The following C5orf34 variants were observed in gnomAD, a reference collection of about 807,000 sequenced individuals.
C5orf34 encodes chromosome 5 open reading frame 34.
In C5orf34, 73 loss-of-function variants were observed where a neutral mutation model predicts 78.4. The ratio of observed to expected loss-of-function variants is 0.93; its 90% confidence interval spans 0.77 to 1.13. C5orf34 has a LOEUF of 1.13. Among genes scored for constraint, C5orf34 ranks in the 50% most tolerant of loss-of-function variants. The pLI is 0.00. For synonymous variants in C5orf34, 251 were observed against 246.6 expected (o/e 1.02, Z -0.17); for missense variants, 730 against 732.7 (o/e 1.00, Z 0.04).
At position 43,495,044 on chromosome 5, in the gene C5orf34, A is replaced by C. The variant is rs1215930365; in HGVS notation, c.1153-443T>G. 8 of 1,434,532 alleles carry C rather than the reference A, an allele frequency of 5.6e-6. No homozygotes were observed. The East Asian group carries it at 1.6e-4, about 29-fold the overall frequency. 88.9% of individuals were successfully genotyped at this position (1,434,532 alleles called of 1,614,324 possible). ...GACCATTCTTCCACCACTGATTAAG[A>C]GTTGGGTGGCAGGTATTAGGGATAA... On this transcript the variant is annotated intron_variant, in intron 6 of 12. Coordinates refer to ENST00000306862, the MANE Select transcript of C5orf34 (RefSeq NM_198566.4).
At position 43,506,278 on chromosome 5, in the gene C5orf34, G is replaced by A; in HGVS notation, c.402C>T (p.Leu134=). 6.2e-7 allele frequency: 1 copy of A among 1,614,168 alleles called. No individual in the cohort carries two copies. The highest frequency in any genetic ancestry group is 8.5e-7 in the Non-Finnish European group (1 of 1,180,024). ...KITSLDGHAY[L]CLPRSQHEFT... is the part of the protein sequence containing the mutation. ...ATTCATGCTGAGATCTGGGCAGGCA[G>A]AGGTATGCATGACCATCTAAAGATG... The change falls in exon 4 of 13, where the codon CTC becomes CTT. Residue 134 remains leucine, a synonymous_variant. Coordinates refer to ENST00000306862, the MANE Select transcript of C5orf34 (RefSeq NM_198566.4).
intron 6 of C5orf34, chr5:43,495,318 G>T (rs183531280): frequency 1.1e-5 from 18 of 1,611,458 alleles, no homozygotes; most frequent in Non-Finnish European, 1.5e-5. Flanking sequence ...CCAGAACCGC[G>T]ATCAATCTTT....
At chr5:43,501,660 T>G (rs1472826736) in intron 6 of C5orf34, among the ~76,000 whole-genome samples, 2 of 152,128 alleles carry the variant, frequency 1.3e-5, no homozygotes, top group African/African-American at 4.8e-5. Context: ...TGTTTGAAAT[T>G]TCCATAGTTA....
intron 4 of C5orf34, among the ~76,000 whole-genome samples, chr5:43,504,283 C>T (rs1320028198): frequency 4.8e-5 from 7 of 144,492 alleles, no homozygotes; most frequent in South Asian, 2.2e-4. Flanking sequence ...GGTGACAGAG[C>T]GAGAATCCAT....
intron 7 of C5orf34, among the ~76,000 whole-genome samples, chr5:43,493,902 C>A (rs964478688): frequency 2.6e-5 from 4 of 152,154 alleles, no homozygotes; most frequent in Non-Finnish European, 4.4e-5. Context: ...GATAGATTCA[C>A]ACTGCCTGGA....
intron 10 of C5orf34, among the ~76,000 whole-genome samples, chr5:43,491,119 A>T (rs1745262643): frequency 6.6e-6 from 1 of 152,238 alleles, no homozygotes; most frequent in South Asian, 2.1e-4. Flanking sequence ...TGCTTACTAA[A>T]ATTTAAACCA....
At chr5:43,511,993 C>A (rs1041629572) in intron 1 of C5orf34, among the ~76,000 whole-genome samples, 6 of 150,622 alleles carry the variant, frequency 4.0e-5, no homozygotes, top group African/African-American at 1.5e-4. Flanking sequence ...CTGCCAAATC[C>A]CCCTCTGTGA....
intron 1 of C5orf34, among the ~76,000 whole-genome samples, chr5:43,509,696 A>C (rs1746140780): frequency 6.6e-6 from 1 of 152,194 alleles, no homozygotes; most frequent in African/African-American, 2.4e-5. Context: ...GAAGCTTATA[A>C]CTTCTAGAAG....
intron 10 of C5orf34, among the ~76,000 whole-genome samples, chr5:43,491,105 C>T (rs778398472): frequency 2.0e-5 from 3 of 152,114 alleles, no homozygotes; most frequent in South Asian, 2.1e-4. Context: ...ACTGACTGAG[C>T]ATTTGCTTAC....
Position 43,492,211 on chromosome 5 carries a change from G to A in C5orf34, c.1580+4C>T, listed in dbSNP as rs572112553. On this transcript the variant is annotated splice_donor_region_variant and intron_variant, in intron 10 of 12. Coordinates refer to ENST00000306862, the MANE Select transcript of C5orf34 (RefSeq NM_198566.4). Reference sequence around the variant, plus strand: ...AAATAATTTTTAAAATTGCTTTTCAGTACCTTTCATATGGTTCAGGGTGTT... The same window carrying A: ...AAATAATTTTTAAAATTGCTTTTCAATACCTTTCATATGGTTCAGGGTGTT... The A allele has an allele frequency of 6.9e-6, 11 of 1,586,372 alleles. No individual in the cohort carries two copies. The highest frequency in any genetic ancestry group is 9.4e-6 in the Non-Finnish European group (11 of 1,166,192).
At chr5:43,496,450 C>G (rs1745527965) in intron 6 of C5orf34, 1 of 1,574,330 alleles carries the variant, frequency 6.4e-7, no homozygotes, top group African/African-American at 1.4e-5. Context: ...CTTTTCCTTT[C>G]CCATTTTGGC....
intron 6 of C5orf34, chr5:43,495,977 G>T: frequency 1.3e-6 from 2 of 1,591,166 alleles, no homozygotes; most frequent in Non-Finnish European, 1.7e-6. Context: ...CTGGCTGTAG[G>T]GTGGCTCAGT....
At chr5:43,488,772 A>T (rs1745159540) in intron 11 of C5orf34, among the ~76,000 whole-genome samples, 1 of 152,068 alleles carries the variant, frequency 6.6e-6, no homozygotes, top group Non-Finnish European at 1.5e-5. Context: ...TTTTCTTATC[A>T]AGTTAGAATG....
intron 10 of C5orf34, among the ~76,000 whole-genome samples, chr5:43,491,447 A>G (rs1745276314): frequency 6.6e-6 from 1 of 152,232 alleles, no homozygotes; most frequent in South Asian, 2.1e-4. Flanking sequence ...ATTTACTGTA[A>G]TAAATTAGAT....
intron 1 of C5orf34, among the ~76,000 whole-genome samples, chr5:43,512,364 A>G (rs760986910): frequency 3.9e-5 from 6 of 152,222 alleles, no homozygotes; most frequent in Admixed American, 2.6e-4. Context: ...TCCTACCTAT[A>G]AACAGCTCAA....
intron 11 of C5orf34, chr5:43,490,255 T>C (rs1745224363): frequency 5.9e-6 from 1 of 168,750 alleles, no homozygotes; most frequent in Non-Finnish European, 1.3e-5. Flanking sequence ...AAAATCAATG[T>C]TTTCTGAAAG....
rs531749660 is a variant in C5orf34 at position 43,503,252 on chromosome 5, G to C, written c.1028+413C>G. Reference sequence around the variant, plus strand: ...CAGAGTGGCCACTCAATGAGTATTTGCTTTGTGAATGAAGGCTAAAATCTC... The same window carrying C: ...CAGAGTGGCCACTCAATGAGTATTTCCTTTGTGAATGAAGGCTAAAATCTC... On this transcript the variant is annotated intron_variant, in intron 5 of 12. Transcript: ENST00000306862. Among the ~76,000 whole-genome samples the C allele has an allele frequency of 4.6e-5, 7 of 152,252 alleles. No homozygotes were observed. The East Asian group carries it at 1.4e-3, about 29-fold the overall frequency.
At position 43,503,736 on chromosome 5, in the gene C5orf34, TA is replaced by T; in HGVS notation, c.956del (p.Leu319TyrfsTer13). On this transcript the variant is annotated frameshift_variant, in exon 5 of 13. Transcript: ENST00000306862. LOFTEE classifies it high-confidence loss of function. Reference protein sequence around the residue: ...LHRWNFCDSLLQRQSDEYSYP... With the variant: ...LHRWNFCDSLXQRQSDEYSYP... ...AGGAATATTCATCAGATTGTCTCTG[TA>T]AAAGTGAATCACAAAAATTCCACCT... 6.2e-7 allele frequency: 1 copy of T among 1,613,120 alleles called. No individual in the cohort carries two copies. The highest frequency in any genetic ancestry group is 1.1e-5 in the South Asian group (1 of 91,060).
chr5:43,492,910 A>C lies in C5orf34; in HGVS notation c.1315-20T>G. On this transcript the variant is annotated intron_variant, in intron 8 of 12. Coordinates refer to ENST00000306862, the MANE Select transcript of C5orf34 (RefSeq NM_198566.4). ...AGGTACCTAAAACCAAGTAAATAAA[A>C]ATAGCAGGAAATAGAGTTATCTAAG... 1 of 1,509,642 alleles carries C rather than the reference A, an allele frequency of 6.6e-7. No homozygotes were observed. Among genetic ancestry groups the C allele is most frequent in the East Asian group, 2.3e-5 (1 of 43,646 alleles). 93.5% of individuals were successfully genotyped at this position (1,509,642 alleles called of 1,614,324 possible).
Sources: allele counts gnomAD v4.1 joint callset (sites outside exome capture counted in the v4.1 genomes callset), GRCh38; gene constraint gnomAD v4.1.1; transcripts MANE v1.5; gene names NCBI Gene and HGNC (gene_info 2026-07-23, HGNC 2026-07-21).